RIMBP2: variants seen among roughly 807,000 people sequenced by gnomAD.
The protein encoded by RIMBP2 is RIMS binding protein 2.
Under a neutral mutation model 118.6 loss-of-function variants are expected in RIMBP2, and 48 were observed. That is an observed-to-expected ratio of 0.40 (90% confidence interval 0.32 to 0.51). RIMBP2 has a LOEUF of 0.51. Ranked by LOEUF, RIMBP2 falls within the 20% of genes least tolerant of loss-of-function variation. RIMBP2 has a pLI of 0.41. For synonymous variants in RIMBP2, 762 were observed against 742.9 expected (o/e 1.03, Z -0.42); for missense variants, 1,551 against 1,768.3 (o/e 0.88, Z 2.20).
chr12:130,623,169 A>G lies in RIMBP2; in HGVS notation c.-217+5153T>C, dbSNP rs1429670320. Among the ~76,000 whole-genome samples the G allele has an allele frequency of 6.6e-6, 1 of 152,246 alleles. No homozygotes were observed. The highest frequency in any genetic ancestry group is 1.9e-4 in the East Asian group (1 of 5,202). On this transcript the variant is annotated intron_variant, in intron 2 of 22. Transcript: ENST00000690449. The surrounding 1 kb of genome is among the most constrained non-coding windows in gnomAD (Gnocchi z 4.1). ...AATTCCATCCTGCATTATTGAATTT[A>G]AAAAGCATATTATGATGAACACACA...
At chr12:130,696,058 T>C (rs1240711650) in intron 1 of RIMBP2, among the ~76,000 whole-genome samples, 2 of 152,196 alleles carry the variant, frequency 1.3e-5, no homozygotes, top group African/African-American at 4.8e-5. Flanking sequence ...AGATGCTACA[T>C]GGGCAACTGA....
intron 2 of RIMBP2, among the ~76,000 whole-genome samples, chr12:130,545,065 A>C (rs1387201967): frequency 6.6e-6 from 1 of 152,214 alleles, no homozygotes; most frequent in African/African-American, 2.4e-5. Flanking sequence ...AAAATCTCAC[A>C]TTCACTTATA....
At chr12:130,654,378 A>G (rs1162091856) in intron 1 of RIMBP2, among the ~76,000 whole-genome samples, 1 of 152,198 alleles carries the variant, frequency 6.6e-6, no homozygotes, top group Non-Finnish European at 1.5e-5. Flanking sequence ...CAATGCAGCC[A>G]GGTTCTTTGC....
intron 2 of RIMBP2, among the ~76,000 whole-genome samples, chr12:130,600,869 C>A (rs58481716): frequency 6.6e-6 from 1 of 152,174 alleles, no homozygotes; most frequent in East Asian, 1.9e-4. Context: ...GCTGCTACAA[C>A]GCTGCTTCTT....
At chr12:130,545,480 G>C (rs1053061788) in intron 2 of RIMBP2, among the ~76,000 whole-genome samples, 1 of 152,074 alleles carries the variant, frequency 6.6e-6, no homozygotes, top group Non-Finnish European at 1.5e-5. Flanking sequence ...AATATTTAAG[G>C]TTTATTAGGT....
Position 130,445,289 on chromosome 12 carries a change from C to A in RIMBP2, c.582-20G>T. ...TTGTAACTGCAGAGAAAACACAGTT[C>A]CTTCATTAGAGGCTCTGGAGGACAC... On this transcript the variant is annotated intron_variant, in intron 9 of 22. Coordinates refer to ENST00000690449, the MANE Select transcript of RIMBP2 (RefSeq NM_001393629.1). The A allele has an allele frequency of 6.3e-7, 1 of 1,579,152 alleles. No individual in the cohort carries two copies. The highest frequency in any genetic ancestry group is 8.7e-7 in the Non-Finnish European group (1 of 1,154,230).
chr12:130,460,114 C>T (rs2079842662), intron 6 of RIMBP2, among the ~76,000 whole-genome samples: 1 of 152,176 alleles, frequency 6.6e-6, no homozygotes, highest in Admixed American at 6.5e-5. Context: ...AAGCAGCCAC[C>T]AGGTGGCTCA....
intron 2 of RIMBP2, among the ~76,000 whole-genome samples, chr12:130,606,178 TAAAAA>T (rs200334790): frequency 6.6e-6 from 1 of 151,818 alleles, no homozygotes; most frequent in Non-Finnish European, 1.5e-5. Context: ...TGGTAAAAAA[TAAAAA>T]ATAAAAAAAG....
chr12:130,547,673 G>A (rs536107258), intron 2 of RIMBP2, among the ~76,000 whole-genome samples: 2 of 152,326 alleles, frequency 1.3e-5, no homozygotes, highest in East Asian at 3.9e-4. Context: ...CCGAAATGGG[G>A]AAGATCAGGA....
chr12:130,496,379 A>G (rs1165744349), intron 4 of RIMBP2, among the ~76,000 whole-genome samples: 3 of 152,192 alleles, frequency 2.0e-5, no homozygotes, highest in Admixed American at 1.3e-4. Context: ...TGGTGAGTCC[A>G]TTAAACCTCT....
chr12:130,412,653 G>A lies in RIMBP2; in HGVS notation c.3555C>T (p.Gly1185=), dbSNP rs779897337. The change falls in exon 19 of 23, where the codon GGC becomes GGT. Residue 1185 remains glycine (G), a synonymous_variant. Coordinates refer to ENST00000690449, the MANE Select transcript of RIMBP2 (RefSeq NM_001393629.1). ...CCACAGGTGTATTCAGAGGGAGAAA[G>A]CCCTGTCTAAGAAGCTGATCCATCA... ...EEMMDQLLRQ[G]FLPLNTPVEK... is the part of the protein sequence containing the mutation. The A allele has an allele frequency of 6.8e-6, 11 of 1,613,840 alleles. No homozygotes were observed. In the Admixed American group the frequency reaches 1.0e-4, roughly 15 times the overall value.
chr12:130,501,899 G>A (rs959490737), intron 4 of RIMBP2, among the ~76,000 whole-genome samples: 21 of 152,220 alleles, frequency 1.4e-4, no homozygotes, highest in Admixed American at 5.2e-4. Context: ...TCTTGCTGAC[G>A]TAATTTCTTG....
intron 2 of RIMBP2, among the ~76,000 whole-genome samples, chr12:130,592,406 G>A (rs896225164): frequency 9.2e-5 from 14 of 152,216 alleles, no homozygotes; most frequent in African/African-American, 3.1e-4. Flanking sequence ...AAATGGATGC[G>A]CTGGCCAGAT....
chr12:130,573,334 T>C (rs2057830781), intron 2 of RIMBP2, among the ~76,000 whole-genome samples: 1 of 152,100 alleles, frequency 6.6e-6, no homozygotes, highest in African/African-American at 2.4e-5. Flanking sequence ...CAGAGGTCAA[T>C]ATTTTTAAAT....
intron 2 of RIMBP2, among the ~76,000 whole-genome samples, chr12:130,563,270 C>T (rs914491004): frequency 9.9e-5 from 15 of 152,216 alleles, no homozygotes; most frequent in Admixed American, 2.0e-4. Context: ...ACTTGAAACG[C>T]GTTCTTACGC....
chr12:130,575,691 AC>A (rs1453462682), intron 2 of RIMBP2, among the ~76,000 whole-genome samples: 3 of 152,194 alleles, frequency 2.0e-5, no homozygotes, highest in Non-Finnish European at 2.9e-5. Flanking sequence ...AGTGATAAGC[AC>A]TGTAAACACA....
intron 4 of RIMBP2, among the ~76,000 whole-genome samples, chr12:130,480,199 ACACACACAC>A (rs2081849699): frequency 4.7e-4 from 1 of 2,136 alleles, no homozygotes; most frequent in African/African-American, 1.8e-3. Context: ...TTCCTTTCAT[ACACACACAC>A]ACACACACAC....
intron 6 of RIMBP2, among the ~76,000 whole-genome samples, chr12:130,458,070 T>G (rs935621591): frequency 2.5e-5 from 2 of 79,588 alleles, no homozygotes; most frequent in East Asian, 4.3e-4. Flanking sequence ...GCCCCCCACC[T>G]CCCCCTCCCC....
intron 2 of RIMBP2, among the ~76,000 whole-genome samples, chr12:130,535,722 T>TATATAC (rs1566217657): frequency 4.1e-5 from 3 of 73,582 alleles, no homozygotes; most frequent in African/African-American, 1.2e-4. Context: ...CATATACATA[T>TATATAC]ATATACATAT....
Sources: allele counts gnomAD v4.1 joint callset (sites outside exome capture counted in the v4.1 genomes callset), GRCh38; gene constraint gnomAD v4.1.1; non-coding constraint Gnocchi (gnomAD v3.1); transcripts MANE v1.5; gene names NCBI Gene and HGNC (gene_info 2026-07-23, HGNC 2026-07-21).